The following RELL1 variants were observed in gnomAD, a reference collection of about 807,000 sequenced individuals.
The protein encoded by RELL1 is RELT-like protein 1.
Under a neutral mutation model 23.0 loss-of-function variants are expected in RELL1, and 10 were observed. The ratio of observed to expected loss-of-function variants is 0.43; its 90% CI spans 0.27 to 0.74. The LOEUF is 0.74. Among genes scored for constraint, RELL1 ranks in the 30% least tolerant of loss-of-function variants. RELL1 has a pLI of 0.19. For missense variants in RELL1, 315 were observed against 364.4 expected (o/e 0.86, Z 1.10); for synonymous variants, 146 against 146.8 (o/e 0.99, Z 0.04).
chr4:37,615,184 C>A (rs1423392103), intron 6 of RELL1, among the ~76,000 whole-genome samples: 4 of 152,242 alleles, frequency 2.6e-5, no homozygotes, highest in Non-Finnish European at 4.4e-5. Flanking sequence ...CTGCTCTCAA[C>A]AATCACATTA....
downstream of RELL1, chr4:37,588,963 A>G: frequency 4.1e-6 from 5 of 1,231,852 alleles, no homozygotes; most frequent in South Asian, 1.2e-5. Context: ...GTCACTTTTA[A>G]AGACCATGCG....
At chr4:37,669,657 C>T (rs1379769744) in intron 1 of RELL1, among the ~76,000 whole-genome samples, 1 of 152,186 alleles carries the variant, frequency 6.6e-6, no homozygotes, top group Non-Finnish European at 1.5e-5. Flanking sequence ...AAGAGGTAGA[C>T]ATGGGAGACT....
In RELL1 at chr4:37,674,739, T is replaced by C. The variant is rs1721963140; in HGVS notation, c.88+11461A>G. ...TTAGTGTTCCCAAGTTGTACTGTGATACAAAAGCCCAGTGAATTCTTCAAA... is the reference window on the plus strand; with the variant it reads ...TTAGTGTTCCCAAGTTGTACTGTGACACAAAAGCCCAGTGAATTCTTCAAA... On this transcript the variant is annotated intron_variant, in intron 1 of 6. Coordinates refer to ENST00000454158, the MANE Select transcript of RELL1 (RefSeq NM_001085400.2). Among the ~76,000 whole-genome samples the C allele has an allele frequency of 1.2e-4, 3 of 24,078 alleles. No homozygotes were observed. In the South Asian group the frequency reaches 2.0e-3, roughly 16 times the overall value. 15.8% of individuals were successfully genotyped at this position (24,078 alleles called of 152,430 possible).
chr4:37,672,894 C>T (rs1721881145), intron 1 of RELL1, among the ~76,000 whole-genome samples: 2 of 152,120 alleles, frequency 1.3e-5, no homozygotes, highest in African/African-American at 4.8e-5. Context: ...TGACAGTCCT[C>T]CAGACTGGGA....
intron 6 of RELL1, among the ~76,000 whole-genome samples, chr4:37,627,138 T>G (rs57107180): frequency 6.6e-6 from 1 of 152,246 alleles, no homozygotes; most frequent in Non-Finnish European, 1.5e-5. Flanking sequence ...ATGATAAATA[T>G]ATGCAACTTT....
intron 1 of RELL1, among the ~76,000 whole-genome samples, chr4:37,662,543 T>G (rs1721391382): frequency 6.7e-6 from 1 of 149,834 alleles, no homozygotes; most frequent in Non-Finnish European, 1.5e-5. Flanking sequence ...AACAAAGGAC[T>G]GAAACTTGAG....
chr4:37,605,795 GAAAGAAAGAAAGAA>G (rs1251137927), downstream of RELL1, among the ~76,000 whole-genome samples: 10 of 76,752 alleles, frequency 1.3e-4, no homozygotes, highest in African/African-American at 3.3e-4. Context: ...GAAAGAAAGA[GAAAGAAAGAAAGAA>G]AGAAAGAAAG....
chr4:37,603,736 G>A (rs765001731), intron 6 of RELL1, among the ~76,000 whole-genome samples: 9 of 152,226 alleles, frequency 5.9e-5, no homozygotes, highest in Non-Finnish European at 1.2e-4. Context: ...TTCCTGCTGT[G>A]TAGTCTTCTT....
At chr4:37,645,030 T>C (rs1720661968) in intron 3 of RELL1, among the ~76,000 whole-genome samples, 1 of 152,152 alleles carries the variant, frequency 6.6e-6, no homozygotes, top group African/African-American at 2.4e-5. Context: ...AATGTCGAGA[T>C]CACAGCATCC....
At position 37,612,336 on chromosome 4, in the gene RELL1, AAACAAAAAAAAAC is replaced by A. The variant is rs1719426541; in HGVS notation, c.*997_*1009del. Among the ~76,000 whole-genome samples the A allele has an allele frequency of 1.1e-5, 1 of 92,794 alleles. No individual in the cohort carries two copies. Among genetic ancestry groups the A allele is most frequent in the African/African-American group, 4.1e-5 (1 of 24,388 alleles). 60.9% of individuals were successfully genotyped at this position (92,794 alleles called of 152,430 possible). ...CAGCTAAAGGTTAAAAAAAAAAAAAAAACAAAAAAAAACAAAAAACCGGGTGCAGTGGCCCACG... is the reference window on the plus strand; with the variant it reads ...CAGCTAAAGGTTAAAAAAAAAAAAAAAAAAAACCGGGTGCAGTGGCCCACG... On this transcript the variant is annotated 3_prime_UTR_variant, in exon 7 of 7. Coordinates refer to ENST00000454158, the MANE Select transcript of RELL1 (RefSeq NM_001085400.2).
At chr4:37,637,285 A>G (rs12332071) in intron 4 of RELL1, among the ~76,000 whole-genome samples, 39 of 152,338 alleles carry the variant, frequency 2.6e-4, no homozygotes, top group African/African-American at 8.2e-4. Flanking sequence ...CCTTTCTAAA[A>G]CACACATCTA....
chr4:37,674,145 AAC>A (rs1179618176), intron 1 of RELL1, among the ~76,000 whole-genome samples: 1 of 152,192 alleles, frequency 6.6e-6, no homozygotes, highest in East Asian at 1.9e-4. Flanking sequence ...GATTACACCA[AAC>A]ACATTCTCTA....
At chr4:37,596,736 ATTTTTTTTTTTTTTT>A (rs1178565372) in intron 6 of RELL1, among the ~76,000 whole-genome samples, 1 of 16,498 alleles carries the variant, frequency 6.1e-5, no homozygotes, top group Non-Finnish European at 1.5e-4. Flanking sequence ...ATATATATAT[ATTTTTTTTTTTTTTT>A]TTTTTTTTTT....
chr4:37,630,677 G>A (rs1299081509), intron 6 of RELL1, among the ~76,000 whole-genome samples: 4 of 151,766 alleles, frequency 2.6e-5, no homozygotes, highest in South Asian at 4.1e-4. Flanking sequence ...GCCCAGCTGC[G>A]TGTTGTTTTT....
chr4:37,660,709 A>G (rs1721297862), intron 1 of RELL1, among the ~76,000 whole-genome samples: 1 of 152,164 alleles, frequency 6.6e-6, no homozygotes, highest in East Asian at 1.9e-4. Context: ...TGGTCAGGGT[A>G]CTGCACTTGC....
At chr4:37,628,822 C>G (rs964648089) in intron 6 of RELL1, among the ~76,000 whole-genome samples, 1 of 152,242 alleles carries the variant, frequency 6.6e-6, no homozygotes, top group Non-Finnish European at 1.5e-5. Flanking sequence ...CTGATCAAAT[C>G]CAATCCTCGT....
intron 6 of RELL1, among the ~76,000 whole-genome samples, chr4:37,619,435 C>G (rs1014246425): frequency 6.6e-6 from 1 of 152,156 alleles, no homozygotes; most frequent in Non-Finnish European, 1.5e-5. Context: ...CCTGCGTCAG[C>G]CTCCCAAAGT....
chr4:37,651,667 T>A (rs1490272568), intron 1 of RELL1, among the ~76,000 whole-genome samples: 3 of 152,118 alleles, frequency 2.0e-5, no homozygotes, highest in Admixed American at 6.5e-5. Flanking sequence ...ACAAGTTAAA[T>A]CCTCGGACCA....
downstream of RELL1, among the ~76,000 whole-genome samples, chr4:37,608,583 T>G (rs1370768628): frequency 6.6e-6 from 1 of 151,610 alleles, no homozygotes; most frequent in Admixed American, 6.6e-5. Context: ...AGAAAAAAGG[T>G]AGGAAGCTGC....
Sources: allele counts gnomAD v4.1 joint callset (sites outside exome capture counted in the v4.1 genomes callset), GRCh38; gene constraint gnomAD v4.1.1; transcripts MANE v1.5; gene names NCBI Gene and HGNC (gene_info 2026-07-23, HGNC 2026-07-21).